The following WWC1 variants were observed in gnomAD, a reference collection of about 807,000 sequenced individuals.
The protein encoded by WWC1 is protein KIBRA.
Under a neutral mutation model 138.4 loss-of-function variants are expected in WWC1, and 55 were observed. The ratio of observed to expected loss-of-function variants is 0.40; its 90% CI spans 0.32 to 0.50. The LOEUF (loss-of-function observed/expected upper bound fraction) is 0.50. WWC1 is among the 20% of genes least tolerant of loss of function. WWC1 has a pLI of 0.72. For missense variants in WWC1, 1,226 were observed against 1,420.4 expected, an observed-to-expected ratio of 0.86 and a Z score of 2.20; for synonymous variants, 524 against 564.9, an observed-to-expected ratio of 0.93 and a Z score of 1.03.
chr5:168,400,819 TGAGAGA>T (rs150418543), intron 5 of WWC1, among the ~76,000 whole-genome samples: 3 of 103,198 alleles, frequency 2.9e-5, no homozygotes, highest in Admixed American at 1.4e-4. Context: ...CTTGAAAGAA[TGAGAGA>T]GAGAGAGAGA....
chr5:168,361,671 G>A (rs1440825471), intron 1 of WWC1, among the ~76,000 whole-genome samples: 1 of 152,196 alleles, frequency 6.6e-6, no homozygotes, highest in East Asian at 1.9e-4. Flanking sequence ...GTGGCTCCAG[G>A]CAAGTCTTTT....
At chr5:168,337,604 G>T (rs1191661015) in intron 1 of WWC1, among the ~76,000 whole-genome samples, 2 of 152,210 alleles carry the variant, frequency 1.3e-5, no homozygotes, top group African/African-American at 4.8e-5. Context: ...CATCAGGCAG[G>T]CCTGGTGATG....
At chr5:168,408,471 A>G (rs373635686) in intron 6 of WWC1, 36 bp from the exon 7 acceptor site, 23 of 1,607,036 alleles carry the variant, frequency 1.4e-5, no homozygotes, top group South Asian at 8.9e-5. Flanking sequence ...CCCTCCTGGG[A>G]AGGCGCATCA....
In WWC1 at chr5:168,292,050, T is replaced by G; in HGVS notation, c.-103T>G. Reference sequence around the variant, plus strand: ...TCTGCGGGCGCCACCCCCCGGATCATGGTGCCTCGGCGGCCGCCCGGGCTA... The same window carrying G: ...TCTGCGGGCGCCACCCCCCGGATCAGGGTGCCTCGGCGGCCGCCCGGGCTA... On this transcript the variant is annotated 5_prime_UTR_variant, in exon 1 of 23. The change abolishes an upstream ATG in the 5' untranslated region. Coordinates refer to ENST00000265293, the MANE Select transcript of WWC1 (RefSeq NM_015238.3). This position sits in a 1 kb window ranked among gnomAD's most constrained non-coding sequence, Gnocchi z 4.4. 7.4e-7 allele frequency: 1 copy of G among 1,346,368 alleles called. No homozygotes were observed. The highest frequency in any genetic ancestry group is 9.6e-7 in the Non-Finnish European group (1 of 1,045,306). 83.4% of individuals were successfully genotyped at this position (1,346,368 alleles called of 1,614,324 possible).
chr5:168,393,372 G>T (rs1228524888), intron 3 of WWC1, among the ~76,000 whole-genome samples: 1 of 152,038 alleles, frequency 6.6e-6, no homozygotes, highest in African/African-American at 2.4e-5. Flanking sequence ...CTTTCAGAGA[G>T]AAAAAAATCA....
intron 9 of WWC1, among the ~76,000 whole-genome samples, chr5:168,418,692 C>T (rs1220601771): frequency 2.0e-5 from 3 of 152,154 alleles, no homozygotes; most frequent in Non-Finnish European, 4.4e-5. Flanking sequence ...CCCACATTTA[C>T]TCCCAGCACA....
chr5:168,439,675 A>T (rs1274357680), intron 15 of WWC1, among the ~76,000 whole-genome samples: 2 of 152,162 alleles, frequency 1.3e-5, no homozygotes, highest in Non-Finnish European at 2.9e-5. Context: ...GAGGGTCAGA[A>T]TGAAGACTCT....
At chr5:168,395,371 TC>T (rs1778822199) in intron 3 of WWC1, among the ~76,000 whole-genome samples, 2 of 152,232 alleles carry the variant, frequency 1.3e-5, no homozygotes, top group South Asian at 4.1e-4. Flanking sequence ...CACTGACGAC[TC>T]CTCTCTTCTT....
rs531411095 is a variant in WWC1, at chr5:168,326,732, G to A, written c.119+34461G>A. 2.0e-5 allele frequency among the ~76,000 whole-genome samples: 3 copies of A among 150,610 alleles called. No homozygotes were observed. The East Asian group carries it at 5.9e-4, about 30-fold the overall frequency. On this transcript the variant is annotated intron_variant, in intron 1 of 22. Coordinates refer to ENST00000265293, the MANE Select transcript of WWC1 (RefSeq NM_015238.3). ...TTTTTGTATTTTTAGTAGAGATGGG[G>A]TTTCACCATGTTGGACAGGCTGGTC...
chr5:168,441,784 G>A lies in WWC1; in HGVS notation c.2383G>A (p.Glu795Lys). The A allele has an allele frequency of 1.2e-6, 2 of 1,614,166 alleles. No homozygotes were observed. Among genetic ancestry groups the A allele is most frequent in the African/African-American group, 1.3e-5 (1 of 75,056 alleles). ...SYKYLKKQSR[E>K]LKPVGVMAPA... ...CAAATACTTGAAGAAACAGAGCAGGGAGCTCAAGCCAGTGGGAGTCATGGC... is the reference window on the plus strand; with the variant it reads ...CAAATACTTGAAGAAACAGAGCAGGAAGCTCAAGCCAGTGGGAGTCATGGC... Residue 795 changes from glutamate (E) to lysine (K), a missense_variant, in exon 16 of 23, where the codon GAG (glutamate) becomes AAG (lysine). Physicochemically the swap from Glu to Lys is moderately conservative, Grantham distance 56. Around this residue, in one of 3 missense-constraint regions of WWC1, gnomAD observed 1,016 missense variants for 1,153.9 expected, o/e 0.88. Coordinates refer to ENST00000265293, the MANE Select transcript of WWC1 (RefSeq NM_015238.3).
chr5:168,460,363 A>G (rs1253570063), intron 19 of WWC1, among the ~76,000 whole-genome samples: 1 of 152,178 alleles, frequency 6.6e-6, no homozygotes, highest in Non-Finnish European at 1.5e-5. Flanking sequence ...GTGAAAATGG[A>G]TTTGCTCCTA....
At chr5:168,348,128 T>C (rs957568886) in intron 1 of WWC1, among the ~76,000 whole-genome samples, 7 of 152,190 alleles carry the variant, frequency 4.6e-5, no homozygotes, top group Non-Finnish European at 8.8e-5. Flanking sequence ...GCAGCCCCAT[T>C]TGACAGGTTG....
intron 2 of WWC1, among the ~76,000 whole-genome samples, chr5:168,382,587 G>T (rs565166893): frequency 6.6e-6 from 1 of 152,284 alleles, no homozygotes; most frequent in East Asian, 1.9e-4. Context: ...TCCCTCAGGG[G>T]GACCCACGAT....
intron 1 of WWC1, among the ~76,000 whole-genome samples, chr5:168,371,130 A>G (rs2287705): frequency 0.11 from 16,452 of 152,180 alleles, 1,400 homozygotes; most frequent in East Asian, 0.42. Flanking sequence ...GAGTTGCAGA[A>G]ACAGAGGCCC....
chr5:168,354,084 T>C lies in WWC1; in HGVS notation c.120-17340T>C, dbSNP rs559336674. Among the ~76,000 whole-genome samples the C allele has an allele frequency of 4.6e-5, 7 of 152,084 alleles. No homozygotes were observed. In the South Asian group the frequency reaches 1.5e-3, roughly 32 times the overall value. ...TTTTTTTTTTGAGATGGAATCTTGC[T>C]CTGTCACCCAGGCTGGAGTGCAGTG... On this transcript the variant is annotated intron_variant, in intron 1 of 22. Coordinates refer to ENST00000265293, the MANE Select transcript of WWC1 (RefSeq NM_015238.3).
intron 2 of WWC1, among the ~76,000 whole-genome samples, chr5:168,379,744 A>G (rs921761044): frequency 3.3e-4 from 51 of 152,316 alleles, no homozygotes; most frequent in Admixed American, 2.9e-3. Context: ...AAAAGGCCCA[A>G]TGCCCTTGAA....
Position 168,385,364 on chromosome 5 carries a change from A to G in WWC1, c.383A>G (p.Tyr128Cys), listed in dbSNP as rs775504769. 31 of 1,613,992 alleles carry G rather than the reference A, an allele frequency of 1.9e-5. No individual in the cohort carries two copies. In the African/African-American group the frequency reaches 4.1e-4, roughly 22 times the overall value. ...CGCCTGGAGCTTGCACAGCAGGAGT[A>G]CCAGCAACTGCATGCCGTCTGGGAG... is the stretch of plus-strand genomic sequence containing the variant. The part of the protein sequence containing the change: ...QQRLELAQQE[Y>C]QQLHAVWEHK... The change falls in exon 3 of 23, where the codon TAC becomes TGC. Residue 128 changes from tyrosine to cysteine, a missense_variant. Tyr to Cys is a radical substitution (Grantham distance 194). Coordinates refer to ENST00000265293, the MANE Select transcript of WWC1 (RefSeq NM_015238.3).
intron 8 of WWC1, 53 bp from the exon 9 acceptor site, chr5:168,414,295 G>A (rs1780428697): frequency 2.5e-6 from 4 of 1,592,794 alleles, no homozygotes; most frequent in Non-Finnish European, 3.4e-6. Flanking sequence ...GGCATCTCCT[G>A]TTCCCTCAGT....
At chr5:168,333,204 A>G (rs1773184144) in intron 1 of WWC1, among the ~76,000 whole-genome samples, 1 of 152,106 alleles carries the variant, frequency 6.6e-6, no homozygotes, top group African/African-American at 2.4e-5. Context: ...AGGGGTTTCA[A>G]AGAAACTACG....
Sources: gnomAD v4.1 joint callset for allele counts (sites outside exome capture counted in the v4.1 genomes callset) on GRCh38, gnomAD v4.1.1 for gene constraint, gnomAD v4.1.1 regional missense constraint, Gnocchi (gnomAD v3.1) non-coding constraint, MANE v1.5 for transcripts, NCBI Gene and HGNC (gene_info 2026-07-23, HGNC 2026-07-21) for gene names.